Variants in AXDND1 observed in about 807,000 individuals in gnomAD.
AXDND1 encodes the protein axonemal dynein light chain domain-containing protein 1.
Under a neutral mutation model 137.5 loss-of-function variants are expected in AXDND1, and 110 were observed. That is an observed-to-expected ratio of 0.80 (90% confidence interval 0.69 to 0.94). The LOEUF is 0.94. Among genes scored for constraint, AXDND1 ranks in the 40% least tolerant of loss-of-function variants. AXDND1 has a pLI of 0.00. For synonymous variants in AXDND1, 414 were observed against 399.7 expected (o/e 1.04, Z -0.43); for missense variants, 1,191 against 1,169.8 (o/e 1.02, Z -0.26).
intron 11 of AXDND1, among the ~76,000 whole-genome samples, chr1:179,402,003 C>G (rs1652150886): frequency 1.3e-5 from 2 of 152,020 alleles, no homozygotes; most frequent in Admixed American, 1.3e-4. Flanking sequence ...GAAACCCCAT[C>G]TCTACTAAAA....
chr1:179,381,563 C>A (rs1434262444), intron 6 of AXDND1, among the ~76,000 whole-genome samples: 1 of 150,530 alleles, frequency 6.6e-6, no homozygotes, highest in Non-Finnish European at 1.5e-5. Context: ...AGGCTGGTCT[C>A]GAACTCCGGA....
intron 25 of AXDND1, among the ~76,000 whole-genome samples, chr1:179,538,893 A>G (rs1181832377): frequency 7.2e-6 from 1 of 138,620 alleles, no homozygotes; most frequent in Non-Finnish European, 1.7e-5. Context: ...GGGTGCATAT[A>G]TATTTAGGAG....
At chr1:179,392,817 T>C (rs1487868776) in intron 9 of AXDND1, among the ~76,000 whole-genome samples, 1 of 152,140 alleles carries the variant, frequency 6.6e-6, no homozygotes, top group Non-Finnish European at 1.5e-5. Context: ...TTGGTGAAAT[T>C]ATCTGTTTTT....
At chr1:179,427,301 G>T (rs1347211256) in intron 12 of AXDND1, among the ~76,000 whole-genome samples, 1 of 152,112 alleles carries the variant, frequency 6.6e-6, no homozygotes, top group African/African-American at 2.4e-5. Context: ...GTTAGGGTTG[G>T]GTGAGCTGGT....
intron 25 of AXDND1, chr1:179,552,095 A>C (rs1572259458): frequency 5.9e-6 from 1 of 170,148 alleles, no homozygotes; most frequent in Non-Finnish European, 1.3e-5. Flanking sequence ...CACCTCAGTT[A>C]CCAGAAGCTG....
At chr1:179,447,667 C>A in intron 16 of AXDND1, 2 of 1,353,128 alleles carry the variant, frequency 1.5e-6, no homozygotes, top group South Asian at 1.2e-5. Flanking sequence ...ACTGTTCATT[C>A]CAAGATTACT....
intron 9 of AXDND1, 111 bp downstream of exon 9, chr1:179,385,470 C>G (rs542756993): frequency 5.7e-6 from 7 of 1,219,460 alleles, no homozygotes; most frequent in East Asian, 4.7e-5. Context: ...TTCTACTGAT[C>G]GTAAGTAATC....
intron 21 of AXDND1, among the ~76,000 whole-genome samples, chr1:179,515,840 T>C (rs780400370): frequency 1.3e-5 from 2 of 152,164 alleles, no homozygotes; most frequent in African/African-American, 4.8e-5. Flanking sequence ...CATAAGGATG[T>C]TTTAGTTAAC....
At chr1:179,472,449 A>G (rs1484553962) in intron 17 of AXDND1, among the ~76,000 whole-genome samples, 2 of 152,176 alleles carry the variant, frequency 1.3e-5, no homozygotes, top group Non-Finnish European at 2.9e-5. Context: ...TTCCATGTAC[A>G]CTTGAGAAGA....
chr1:179,437,607 G>T (rs1658353029), intron 15 of AXDND1, among the ~76,000 whole-genome samples: 1 of 152,154 alleles, frequency 6.6e-6, no homozygotes, highest in Non-Finnish European at 1.5e-5. Context: ...TTGAAAGAAT[G>T]TAAGGCCAGG....
intron 22 of AXDND1, among the ~76,000 whole-genome samples, chr1:179,527,051 A>T (rs1466500599): frequency 1.2e-4 from 19 of 152,370 alleles, no homozygotes; most frequent in Non-Finnish European, 2.5e-4. Context: ...TGCAGTCCAA[A>T]GTGAAAGCAA....
At chr1:179,518,413 G>GTTTTTTT (rs1669754384) in intron 21 of AXDND1, among the ~76,000 whole-genome samples, 1 of 141,988 alleles carries the variant, frequency 7.0e-6, no homozygotes. Context: ...TTTTAAGTTC[G>GTTTTTTT]GGGTACATGT....
chr1:179,551,625 A>G (rs776869641), intron 25 of AXDND1: 2 of 690,516 alleles, frequency 2.9e-6, no homozygotes, highest in Non-Finnish European at 4.9e-6. Flanking sequence ...GAGACAGATT[A>G]AACTGTTAAT....
At chr1:179,516,338 A>C (rs1669536399) in intron 21 of AXDND1, among the ~76,000 whole-genome samples, 1 of 152,082 alleles carries the variant, frequency 6.6e-6, no homozygotes, top group African/African-American at 2.4e-5. Context: ...ATTTCCTTGA[A>C]TATTTCTCCC....
At chr1:179,464,724 C>T (rs1662876308) in intron 16 of AXDND1, among the ~76,000 whole-genome samples, 1 of 152,166 alleles carries the variant, frequency 6.6e-6, no homozygotes, top group Non-Finnish European at 1.5e-5. Flanking sequence ...CAACTTGGTT[C>T]CATTCTCCCT....
intron 17 of AXDND1, among the ~76,000 whole-genome samples, chr1:179,471,375 A>G (rs1439540865): frequency 6.6e-6 from 1 of 152,196 alleles, no homozygotes; most frequent in Non-Finnish European, 1.5e-5. Flanking sequence ...GAATTGATTC[A>G]ATCTCTTCAC....
intron 25 of AXDND1, among the ~76,000 whole-genome samples, chr1:179,548,343 G>A (rs951548998): frequency 6.6e-6 from 1 of 152,176 alleles, no homozygotes; most frequent in Non-Finnish European, 1.5e-5. Flanking sequence ...TCTGTGAGGT[G>A]GATCCTACTT....
intron 25 of AXDND1, among the ~76,000 whole-genome samples, chr1:179,539,269 AGTT>A (rs1329078636): frequency 4.6e-5 from 7 of 152,184 alleles, no homozygotes; most frequent in Non-Finnish European, 1.0e-4. Flanking sequence ...TAGTTGATGC[AGTT>A]TCTTCATAGT....
intron 16 of AXDND1, among the ~76,000 whole-genome samples, chr1:179,465,196 T>C (rs12130203): frequency 0.23 from 35,077 of 152,114 alleles, 4,367 homozygotes; most frequent in East Asian, 0.35. Flanking sequence ...GGAGAAGAGA[T>C]GCTCTGATTT....
Sources: gnomAD v4.1 joint callset for allele counts (sites outside exome capture counted in the v4.1 genomes callset) on GRCh38, gnomAD v4.1.1 for gene constraint, MANE v1.5 for transcripts, NCBI Gene and HGNC (gene_info 2026-07-23, HGNC 2026-07-21) for gene names.